The following ELOF1 variants were observed in gnomAD, a reference collection of about 807,000 sequenced individuals.
ELOF1 encodes the protein elongation factor 1, also known as transcription elongation factor 1 homolog.
Under a neutral mutation model 7.1 loss-of-function variants are expected in ELOF1, and 4 were observed. The observed-to-expected ratio is 0.56, with a 90% CI of 0.28 to 1.29. ELOF1 has a LOEUF of 1.29. ELOF1 is among the 50% of genes most tolerant of loss of function. The pLI is 0.10. For missense variants in ELOF1, 59 were observed against 86.3 expected (o/e 0.68, Z 1.25); for synonymous variants, 31 against 31.9 (o/e 0.97, Z 0.09).
chr19:11,557,848 C>A (rs1435980125), intron 1 of ELOF1, among the ~76,000 whole-genome samples: 1 of 152,042 alleles, frequency 6.6e-6, no homozygotes, highest in African/African-American at 2.4e-5. Flanking sequence ...AGCCGAGGCA[C>A]TCCAGCCTGG....
chr19:11,558,668 AATGAGCT>A (rs1369042601), intron 1 of ELOF1, among the ~76,000 whole-genome samples: 1 of 151,580 alleles, frequency 6.6e-6, no homozygotes, highest in African/African-American at 2.4e-5. Flanking sequence ...TCGAGGCTGC[AATGAGCT>A]ATGATCGCGC....
At chr19:11,553,370 C>T (rs1972759010) in intron 3 of ELOF1, 3 of 455,086 alleles carry the variant, frequency 6.6e-6, no homozygotes, top group East Asian at 6.7e-5. Flanking sequence ...CCAATTCCGC[C>T]GGGGGGAGCC....
At chr19:11,555,207 A>G (rs762063019) in intron 1 of ELOF1, 6 of 213,436 alleles carry the variant, frequency 2.8e-5, no homozygotes, top group South Asian at 2.7e-4. Flanking sequence ...CAGTGAGCCG[A>G]GATCGCACCA....
intron 3 of ELOF1, 23 bp from the exon 4 acceptor site, chr19:11,553,833 G>C (rs375072399): frequency 6.2e-7 from 1 of 1,614,150 alleles, no homozygotes; most frequent in South Asian, 1.1e-5. Context: ...GGTCAAGGGC[G>C]ATCATTGGCA....
At chr19:11,554,020 G>A in exon 3 of ELOF1, 1 of 1,614,186 alleles carries the variant, frequency 6.2e-7, no homozygotes, top group Non-Finnish European at 8.5e-7. Flanking sequence ...CACGTTATGG[G>A]CGTCTGGAAT....
chr19:11,554,637 G>A (rs1017237315), intron 1 of ELOF1: 29 of 492,528 alleles, frequency 5.9e-5, no homozygotes, highest in Non-Finnish European at 8.2e-5. Context: ...CAGTTTCCTC[G>A]TCTATAAAAC....
chr19:11,559,020 T>A (rs994352459), intron 1 of ELOF1, 171 bp downstream of exon 1: 3 of 151,894 alleles, frequency 2.0e-5, no homozygotes, highest in African/African-American at 7.3e-5. Flanking sequence ...GGCGTCCCGG[T>A]AGTCGCGCTT....
At chr19:11,554,659 C>T (rs547386947) in intron 1 of ELOF1, 93 of 445,340 alleles carry the variant, frequency 2.1e-4, no homozygotes, top group African/African-American at 1.7e-3. Context: ...GAGACAAGGC[C>T]AGGCATGGTG....
chr19:11,555,716 G>C (rs1381581605), intron 1 of ELOF1: 1 of 152,550 alleles, frequency 6.6e-6, no homozygotes, highest in Non-Finnish European at 1.5e-5. Flanking sequence ...ATGGATCCTG[G>C]GAGCTACAAG....
intron 1 of ELOF1, chr19:11,558,821 T>G (rs1484707070): frequency 6.6e-6 from 1 of 151,186 alleles, no homozygotes; most frequent in Non-Finnish European, 1.5e-5. Flanking sequence ...ATGAATGGGG[T>G]CTGGCTTGCA....
chr19:11,557,682 C>T (rs569253224), intron 1 of ELOF1, among the ~76,000 whole-genome samples: 12 of 145,782 alleles, frequency 8.2e-5, no homozygotes, highest in Non-Finnish European at 1.6e-4. Flanking sequence ...ATCACGAGGT[C>T]AGGAGTTCGA....
chr19:11,553,165 G>C, intron 3 of ELOF1: 1 of 400,824 alleles, frequency 2.5e-6, no homozygotes, highest in Non-Finnish European at 4.4e-6. Flanking sequence ...TGGGGAGGGG[G>C]GCGGCTCCCT....
chr19:11,558,549 C>A (rs1286099138), intron 1 of ELOF1, among the ~76,000 whole-genome samples: 2 of 151,898 alleles, frequency 1.3e-5, no homozygotes, highest in Admixed American at 1.3e-4. Flanking sequence ...CCAGACCAGC[C>A]TGGGAAACAG....
chr19:11,553,527 C>A, intron 3 of ELOF1: 1 of 629,348 alleles, frequency 1.6e-6, no homozygotes, highest in Non-Finnish European at 2.8e-6. Flanking sequence ...CCCAGTGACA[C>A]GTGCAGCCAC....
chr19:11,554,213 T>G lies in ELOF1; in HGVS notation c.116+19A>C. 1.2e-6 allele frequency: 2 copies of G among 1,612,672 alleles called. No homozygotes were observed. The highest frequency in any genetic ancestry group is 1.7e-6 in the Non-Finnish European group (2 of 1,178,966). ...GAGGCAGTGGGGAGGCTGGATCCCTTGCCCTGTTCCCCACTCACATTTTCA... is the reference window on the plus strand; with the variant it reads ...GAGGCAGTGGGGAGGCTGGATCCCTGGCCCTGTTCCCCACTCACATTTTCA... On this transcript the variant is annotated intron_variant, in intron 2 of 3. Coordinates refer to ENST00000586683, the Ensembl canonical transcript of ELOF1.
intron 1 of ELOF1, among the ~76,000 whole-genome samples, chr19:11,557,674 C>A (rs1972853409): frequency 6.7e-6 from 1 of 150,010 alleles, no homozygotes; most frequent in South Asian, 2.1e-4. Flanking sequence ...GTGGGCAGAT[C>A]ACGAGGTCAG....
chr19:11,553,784 T>C (rs779536402), intron 3 of ELOF1: 1 of 1,614,202 alleles, frequency 6.2e-7, no homozygotes, highest in South Asian at 1.1e-5. Flanking sequence ...ATCCAATCAC[T>C]GTACACATCC....
intron 1 of ELOF1, 30 bp from the exon 2 acceptor site, chr19:11,554,395 G>C (rs1372075990): frequency 3.1e-6 from 5 of 1,603,648 alleles, no homozygotes; most frequent in East Asian, 2.2e-5. Flanking sequence ...TCAGTGGTTT[G>C]AGGAAACCAC....
exon 2 of ELOF1, chr19:11,554,242 C>T: frequency 6.2e-7 from 1 of 1,613,574 alleles, no homozygotes; most frequent in Non-Finnish European, 8.5e-7. Context: ...ATTTTCACAT[C>T]ACAGGATTTC....
Sources: allele counts gnomAD v4.1 joint callset (sites outside exome capture counted in the v4.1 genomes callset), GRCh38; gene constraint gnomAD v4.1.1; transcripts MANE v1.5; gene names NCBI Gene and HGNC (gene_info 2026-07-23, HGNC 2026-07-21).